The following HAPSTR1 variants were observed in gnomAD, a reference collection of about 807,000 sequenced individuals.
HAPSTR1 encodes the protein HUWE1-associated protein modifying stress responses 1.
At chr16:9,118,360 T>G in the HAPSTR1 span, 3 of 152,652 alleles carry the variant, frequency 2.0e-5, no homozygotes, top group Non-Finnish European at 4.4e-5. Flanking sequence ...CACAGCACTT[T>G]GTTAAAGTTT....
the HAPSTR1 span, chr16:9,102,922 T>A: frequency 2.0e-6 from 3 of 1,535,954 alleles, no homozygotes; most frequent in African/African-American, 4.2e-5. Flanking sequence ...TGGTTTTCTT[T>A]AGAAGGGAAT....
chr16:9,094,582 G>T, the HAPSTR1 span, among the ~76,000 whole-genome samples: 5 of 151,704 alleles, frequency 3.3e-5, no homozygotes, highest in Non-Finnish European at 2.9e-5. Flanking sequence ...CCTCCATCAT[G>T]TCCTAAATAG....
At chr16:9,116,865 G>A in the HAPSTR1 span, 1 of 1,614,136 alleles carries the variant, frequency 6.2e-7, no homozygotes, top group Non-Finnish European at 8.5e-7. Context: ...CCAGTGTGGC[G>A]ATGTCATTAC....
chr16:9,092,807 A>G, the HAPSTR1 span: 2 of 1,117,154 alleles, frequency 1.8e-6, no homozygotes. Context: ...GAAACCTAAT[A>G]TGGCCGTTCC....
At chr16:9,098,462 A>T in the HAPSTR1 span, among the ~76,000 whole-genome samples, 1 of 152,206 alleles carries the variant, frequency 6.6e-6, no homozygotes, top group Non-Finnish European at 1.5e-5. Flanking sequence ...AGGGAATACG[A>T]TTGGGAACAG....
At chr16:9,092,817 C>G in the HAPSTR1 span, 1 of 1,233,204 alleles carries the variant, frequency 8.1e-7, no homozygotes, top group Non-Finnish European at 1.1e-6. Flanking sequence ...ATGGCCGTTC[C>G]GGAGTGATTG....
At chr16:9,102,311 A>C in the HAPSTR1 span, among the ~76,000 whole-genome samples, 3 of 152,204 alleles carry the variant, frequency 2.0e-5, no homozygotes, top group South Asian at 6.2e-4. Context: ...TTTTTTTTCA[A>C]CTAAATGAAA....
chr16:9,100,399 C>A, the HAPSTR1 span, among the ~76,000 whole-genome samples: 1 of 152,134 alleles, frequency 6.6e-6, no homozygotes, highest in African/African-American at 2.4e-5. Context: ...CAAAACTTGG[C>A]CAAGCTCTTC....
At chr16:9,093,224 G>T in the HAPSTR1 span, among the ~76,000 whole-genome samples, 1 of 152,116 alleles carries the variant, frequency 6.6e-6, no homozygotes, top group South Asian at 2.1e-4. Context: ...GACGTTTTTG[G>T]TTGGCTTCTC....
chr16:9,106,689 CT>C, the HAPSTR1 span: 1 of 151,960 alleles, frequency 6.6e-6, no homozygotes, highest in Non-Finnish European at 1.5e-5. Context: ...GCTTTTTTTC[CT>C]GTGTCCTATG....
At chr16:9,100,246 C>T in the HAPSTR1 span, among the ~76,000 whole-genome samples, 1 of 152,156 alleles carries the variant, frequency 6.6e-6, no homozygotes, top group African/African-American at 2.4e-5. Context: ...AAAAGAGGTT[C>T]ACAACTTGTT....
At chr16:9,092,959 C>T in the HAPSTR1 span, 2 of 1,611,316 alleles carry the variant, frequency 1.2e-6, no homozygotes, top group Non-Finnish European at 1.7e-6. Flanking sequence ...TCTCTGGGTC[C>T]CCTTCCAAAA....
chr16:9,116,896 G>A, the HAPSTR1 span: 2 of 1,613,948 alleles, frequency 1.2e-6, no homozygotes, highest in Non-Finnish European at 1.7e-6. Context: ...ACCCATAAAC[G>A]CAACAGAATG....
the HAPSTR1 span, among the ~76,000 whole-genome samples, chr16:9,101,033 G>T: frequency 6.6e-6 from 1 of 152,178 alleles, no homozygotes; most frequent in African/African-American, 2.4e-5. Context: ...CTTCTAGGTA[G>T]GATAGGTTTA....
the HAPSTR1 span, chr16:9,106,196 G>T: frequency 6.6e-6 from 1 of 152,106 alleles, no homozygotes; most frequent in African/African-American, 2.4e-5. Context: ...ATCACTTGAG[G>T]TCAGGAGTTT....
At chr16:9,091,993 C>G in the HAPSTR1 span, 1 of 1,432,376 alleles carries the variant, frequency 7.0e-7, no homozygotes, top group East Asian at 3.0e-5. Flanking sequence ...GGGGGCCCCG[C>G]CTGAGGAGGA....
the HAPSTR1 span, chr16:9,107,687 C>T: frequency 2.6e-5 from 4 of 152,250 alleles, no homozygotes; most frequent in Non-Finnish European, 5.9e-5. Context: ...TCTTGAATAC[C>T]TCTATGCTCT....
the HAPSTR1 span, among the ~76,000 whole-genome samples, chr16:9,102,716 C>T: frequency 5.5e-4 from 84 of 152,132 alleles, no homozygotes; most frequent in African/African-American, 1.9e-3. Flanking sequence ...TTAAAGATAC[C>T]TAATCTCTCT....
At chr16:9,099,273 T>C in the HAPSTR1 span, among the ~76,000 whole-genome samples, 1 of 112,496 alleles carries the variant, frequency 8.9e-6, no homozygotes, top group South Asian at 3.1e-4. Context: ...TCTTGGCTCA[T>C]TGCAACCTCT....
Sources: allele counts gnomAD v4.1 joint callset (sites outside exome capture counted in the v4.1 genomes callset), GRCh38; gene constraint gnomAD v4.1.1; transcripts MANE v1.5; gene names NCBI Gene and HGNC (gene_info 2026-07-23, HGNC 2026-07-21).